Variants in DOCK4 observed in about 807,000 individuals in gnomAD.
DOCK4 encodes the protein dedicator of cytokinesis 4.
Under a neutral mutation model 268.1 loss-of-function variants are expected in DOCK4, and 97 were observed. The observed-to-expected ratio is 0.36, with a 90% CI of 0.31 to 0.43. The LOEUF is 0.43. DOCK4 is among the 20% of genes least tolerant of loss of function. The pLI is 1.00. For missense variants in DOCK4, 2,145 were observed against 2,455.7 expected (o/e 0.87, Z 2.67); for synonymous variants, 954 against 887.2 (o/e 1.08, Z -1.34).
chr7:111,828,186 ATAT>A (rs1243261820), intron 26 of DOCK4, among the ~76,000 whole-genome samples: 6 of 152,290 alleles, frequency 3.9e-5, no homozygotes, highest in African/African-American at 1.4e-4. Flanking sequence ...TTTTAAAATA[ATAT>A]TATGTTCTAG....
At chr7:111,793,219 T>C (rs1799671807) in intron 30 of DOCK4, among the ~76,000 whole-genome samples, 1 of 152,162 alleles carries the variant, frequency 6.6e-6, no homozygotes, top group Non-Finnish European at 1.5e-5. Context: ...CTAAATATTT[T>C]AGATTTGAAG....
chr7:111,755,987 A>G (rs180772454), intron 41 of DOCK4, among the ~76,000 whole-genome samples: 23 of 152,376 alleles, frequency 1.5e-4, no homozygotes, highest in Admixed American at 2.6e-4. Context: ...CTGTCAACGT[A>G]GAATTAGAAC....
intron 38 of DOCK4, among the ~76,000 whole-genome samples, chr7:111,765,807 G>A (rs1400285501): frequency 1.3e-5 from 2 of 152,142 alleles, no homozygotes; most frequent in South Asian, 2.1e-4. Flanking sequence ...TCTTAAGTGC[G>A]CCTGACAATG....
At chr7:112,043,256 CAATA>C (rs371680675) in intron 1 of DOCK4, among the ~76,000 whole-genome samples, 4 of 151,764 alleles carry the variant, frequency 2.6e-5, no homozygotes, top group African/African-American at 9.7e-5. Flanking sequence ...AAAACTTAAT[CAATA>C]ATCTCATTAT....
intron 1 of DOCK4, among the ~76,000 whole-genome samples, chr7:112,188,637 T>C (rs1819662079): frequency 6.6e-6 from 1 of 152,128 alleles, no homozygotes; most frequent in African/African-American, 2.4e-5. Flanking sequence ...ACCCAGAAGA[T>C]TTCCCTACCA....
chr7:112,127,675 A>C (rs1813367295), intron 1 of DOCK4, among the ~76,000 whole-genome samples: 1 of 152,192 alleles, frequency 6.6e-6, no homozygotes, highest in South Asian at 2.1e-4. Flanking sequence ...ATAAAAATAA[A>C]AACAACAACA....
intron 23 of DOCK4, among the ~76,000 whole-genome samples, chr7:111,859,479 T>C (rs980646611): frequency 3.9e-5 from 6 of 151,988 alleles, no homozygotes; most frequent in Non-Finnish European, 8.8e-5. Context: ...AAATAAGATA[T>C]AAAACTAGGG....
intron 6 of DOCK4, among the ~76,000 whole-genome samples, chr7:111,988,300 G>A (rs183724): frequency 0.93 from 141,615 of 152,268 alleles, 65,913 homozygotes; most frequent in East Asian, 1. Context: ...CAACCCTAGG[G>A]TCTCAGTCAA....
rs140883588 is a variant in DOCK4, at chr7:112,018,143, C to CAAAAAAAAAAAAAAAAAAAAAAAAAA, written c.38-14038_38-14013dup. On this transcript the variant is annotated intron_variant, in intron 1 of 52. Coordinates refer to ENST00000428084, the MANE Select transcript of DOCK4 (RefSeq NM_001363540.2). ...TGGGCAACACAGCAAGACTCCAGCT[C>CAAAAAAAAAAAAAAAAAAAAAAAAAA]AAAAAAAAAAAAAAAAAAAAAAAAA... Among the ~76,000 whole-genome samples the CAAAAAAAAAAAAAAAAAAAAAAAAAA allele has an allele frequency of 3.9e-4, 8 of 20,640 alleles. 2 individuals are homozygous for CAAAAAAAAAAAAAAAAAAAAAAAAAA. Among genetic ancestry groups the CAAAAAAAAAAAAAAAAAAAAAAAAAA allele is most frequent in the Non-Finnish European group, 5.6e-4 (7 of 12,462 alleles). 13.5% of individuals were successfully genotyped at this position (20,640 alleles called of 152,430 possible).
rs1402703457 is a variant in DOCK4, at chr7:111,746,378, C to T, written c.4633G>A (p.Asp1545Asn). ...VKEYILSHPE[D>N]GEKIARLREL... ...CTTAATCGTGCAATTTTCTCCCCAT[C>T]TTCAGGGTGACTTAAGATATATTCT... is the stretch of plus-strand genomic sequence containing the variant. Residue 1545 changes from aspartate to asparagine, a missense_variant, in exon 44 of 53, where the codon GAT becomes AAT. Coordinates refer to ENST00000428084, the MANE Select transcript of DOCK4 (RefSeq NM_001363540.2). 1 of 1,612,872 alleles carries T rather than the reference C, an allele frequency of 6.2e-7. No homozygotes were observed. Among genetic ancestry groups the T allele is most frequent in the Non-Finnish European group, 8.5e-7 (1 of 1,179,488 alleles).
rs1796641138 is a variant in DOCK4 at position 111,958,854 on chromosome 7, C to T, written c.702-13056G>A. On this transcript the variant is annotated intron_variant, in intron 8 of 52. Coordinates refer to ENST00000428084, the MANE Select transcript of DOCK4 (RefSeq NM_001363540.2). ...TCAGTATGAATAAAGCATTTCTTTG[C>T]TTGTTGTGTATTAATTTAGATCCTC... 2.0e-5 allele frequency among the ~76,000 whole-genome samples: 3 copies of T among 152,080 alleles called. No individual in the cohort carries two copies. The South Asian group carries it at 6.2e-4, about 31-fold the overall frequency.
chr7:111,931,965 G>A (rs1446801974), intron 12 of DOCK4, among the ~76,000 whole-genome samples: 1 of 152,176 alleles, frequency 6.6e-6, no homozygotes, highest in Admixed American at 6.5e-5. Flanking sequence ...ACTCCTGTCT[G>A]TAAGCAGAGG....
rs752935317 is a variant in DOCK4, at chr7:112,017,539, G to T, written c.38-13408C>A. ...ATGAACATGAGCTGACTCTTCCTCA[G>T]TACTGTGTTTCTCCACCTGACCTAG... On this transcript the variant is annotated intron_variant, in intron 1 of 52. Transcript: ENST00000428084. 7.9e-5 allele frequency among the ~76,000 whole-genome samples: 12 copies of T among 152,214 alleles called. 1 individual carries two copies. Among genetic ancestry groups the T allele is most frequent in the East Asian group, 5.8e-4 (3 of 5,202 alleles).
chr7:112,143,725 G>A (rs1449533810), intron 1 of DOCK4, among the ~76,000 whole-genome samples: 2 of 152,250 alleles, frequency 1.3e-5, no homozygotes, highest in East Asian at 1.9e-4. Context: ...TCTCCTGAGA[G>A]TGGGACTAAG....
At chr7:111,817,563 G>T (rs1192755398) in intron 27 of DOCK4, among the ~76,000 whole-genome samples, 1 of 152,160 alleles carries the variant, frequency 6.6e-6, no homozygotes, top group Non-Finnish European at 1.5e-5. Flanking sequence ...TTACACTGAA[G>T]ATTTATTTTT....
At chr7:111,779,047 C>A (rs1320132283) in intron 35 of DOCK4, among the ~76,000 whole-genome samples, 1 of 150,174 alleles carries the variant, frequency 6.7e-6, no homozygotes, top group Non-Finnish European at 1.5e-5. Flanking sequence ...GAGAAAGACT[C>A]CGTCTAAAAA....
At chr7:111,913,712 A>AT (rs754312104) in intron 13 of DOCK4, among the ~76,000 whole-genome samples, 27,954 of 137,296 alleles carry the variant, frequency 0.2, 2,782 homozygotes, top group Non-Finnish European at 0.23. Flanking sequence ...CCCGGCCACA[A>AT]TTTTTTTTTT....
chr7:111,774,699 C>G (rs73715248), intron 36 of DOCK4, among the ~76,000 whole-genome samples: 1 of 152,036 alleles, frequency 6.6e-6, no homozygotes, highest in Non-Finnish European at 1.5e-5. Context: ...AACAGACAAG[C>G]GTTGGTTCAA....
chr7:111,913,252 C>T (rs113964628), intron 13 of DOCK4, among the ~76,000 whole-genome samples: 11 of 152,038 alleles, frequency 7.2e-5, no homozygotes, highest in African/African-American at 2.2e-4. Context: ...TGAGCCACTG[C>T]GTCAGGCCAG....
Sources: gnomAD v4.1 joint callset for allele counts (sites outside exome capture counted in the v4.1 genomes callset) on GRCh38, gnomAD v4.1.1 for gene constraint, MANE v1.5 for transcripts, NCBI Gene and HGNC (gene_info 2026-07-23, HGNC 2026-07-21) for gene names.